Variants in TTR observed in about 807,000 individuals in gnomAD.
TTR encodes transthyretin.
TTR carries 8 observed loss-of-function variants against 13.7 expected under a neutral mutation model. The observed-to-expected ratio is 0.58, with a 90% CI of 0.34 to 1.05. TTR has a LOEUF of 1.05. Among genes scored for constraint, TTR ranks in the 50% least tolerant of loss-of-function variants. The pLI is 0.02. For synonymous variants in TTR, 75 were observed against 71.7 expected (o/e 1.05, Z -0.23); for missense variants, 135 against 185.5 (o/e 0.73, Z 1.58).
chr18:31,598,518 C>CA, intron 3 of TTR, 50 bp from the exon 4 acceptor site: 2 of 1,585,918 alleles, frequency 1.3e-6, no homozygotes, highest in Non-Finnish European at 1.7e-6. Context: ...TGTCATCTGT[C>CA]ACGTTTTTCG....
chr18:31,592,667 T>G (rs540317734), intron 1 of TTR, among the ~76,000 whole-genome samples: 1 of 152,308 alleles, frequency 6.6e-6, no homozygotes, highest in Non-Finnish European at 1.5e-5. Flanking sequence ...ATTATACACA[T>G]CCCTGGTTGA....
At chr18:31,592,507 G>C (rs2073491039) in intron 1 of TTR, among the ~76,000 whole-genome samples, 1 of 152,190 alleles carries the variant, frequency 6.6e-6, no homozygotes, top group Non-Finnish European at 1.5e-5. Context: ...ACTGGTAAGA[G>C]GGAGTGACTA....
chr18:31,598,570 G>T lies in TTR; in HGVS notation c.339G>T (p.Val113=). The change falls in exon 4 of 4, where the codon GTG becomes GTT. Residue 113 remains valine (V), a splice_region_variant and synonymous_variant. Transcript: ENST00000237014. ...GISPFHEHAE[V]VFTANDSGPR... Reference sequence around the variant, plus strand: ...GATCTGTCTGTCTTCTCTCATAGGTGGTATTCACAGCCAACGACTCCGGCC... The same window carrying T: ...GATCTGTCTGTCTTCTCTCATAGGTTGTATTCACAGCCAACGACTCCGGCC... 1 of 1,614,090 alleles carries T rather than the reference G, an allele frequency of 6.2e-7. No individual in the cohort carries two copies. Among genetic ancestry groups the T allele is most frequent in the Non-Finnish European group, 8.5e-7 (1 of 1,180,014 alleles).
chr18:31,593,236 G>A (rs930619917), intron 2 of TTR: 1 of 570,892 alleles, frequency 1.8e-6, no homozygotes, highest in African/African-American at 1.9e-5. Context: ...TTTAGGGGCA[G>A]ACAGTAGAGA....
chr18:31,598,527 C>T (rs754087718), intron 3 of TTR, 41 bp from the exon 4 acceptor site: 12 of 1,605,750 alleles, frequency 7.5e-6, no homozygotes, highest in South Asian at 3.3e-5. Context: ...TCACGTTTTT[C>T]GGGCTCTGGT....
chr18:31,592,001 C>T lies in TTR; in HGVS notation c.69+30C>T, dbSNP rs377167174. 1.8e-4 allele frequency: 294 copies of T among 1,611,816 alleles called. 1 individual carries two copies. The highest frequency in any genetic ancestry group is 2.4e-4 in the Non-Finnish European group (282 of 1,178,040). ...GTGTTTCTGTGACATCCCATTCCTA[C>T]ATTTAAGATTCACGCTAAATGAAGT... is the stretch of plus-strand genomic sequence containing the variant. On this transcript the variant is annotated intron_variant, in intron 1 of 3. Transcript: ENST00000237014.
intron 1 of TTR, among the ~76,000 whole-genome samples, chr18:31,592,242 A>T (rs1213554704): frequency 6.6e-6 from 1 of 152,202 alleles, no homozygotes; most frequent in Non-Finnish European, 1.5e-5. Context: ...AGATGATAGA[A>T]ATAAAGATAT....
intron 1 of TTR, 62 bp downstream of exon 1, chr18:31,592,033 G>C: frequency 1.3e-6 from 2 of 1,574,986 alleles, no homozygotes; most frequent in Non-Finnish European, 1.7e-6. Flanking sequence ...AAGTAGAAGT[G>C]ACTCCTTCCA....
intron 1 of TTR, 24 bp from the exon 2 acceptor site, chr18:31,592,872 C>G: frequency 1.9e-6 from 3 of 1,613,266 alleles, no homozygotes; most frequent in Non-Finnish European, 2.5e-6. Context: ...TTGTTAACTT[C>G]TCACGTGTCT....
At chr18:31,596,527 CTGT>C (rs965696166) in intron 3 of TTR, among the ~76,000 whole-genome samples, 31 of 152,276 alleles carry the variant, frequency 2.0e-4, no homozygotes, top group African/African-American at 6.7e-4. Flanking sequence ...CTACCTGAGA[CTGT>C]TGTTTGCCCA....
At position 31,592,960 on chromosome 18, in the gene TTR, C is replaced by G; in HGVS notation, c.134C>G (p.Ala45Gly). The change falls in exon 2 of 4, where the codon GCC (alanine) becomes GGC (glycine). Residue 45 changes from alanine (A) to glycine (G), a missense_variant. Transcript: ENST00000237014. ...KVLDAVRGSP[A>G]INVAVHVFRK... ...CTAGATGCTGTCCGAGGCAGTCCTGCCATCAATGTGGCCGTGCATGTGTTC... is the reference window on the plus strand; with the variant it reads ...CTAGATGCTGTCCGAGGCAGTCCTGGCATCAATGTGGCCGTGCATGTGTTC... 1 of 1,614,156 alleles carries G rather than the reference C, an allele frequency of 6.2e-7. No homozygotes were observed. The highest frequency in any genetic ancestry group is 1.6e-4 in the Middle Eastern group (1 of 6,062).
At chr18:31,595,009 C>CATAACATGTTT (rs1466268871) in intron 2 of TTR, 111 bp from the exon 3 acceptor site, 1 of 1,205,726 alleles carries the variant, frequency 8.3e-7, no homozygotes, top group Non-Finnish European at 1.2e-6. Flanking sequence ...GGGAAATGTT[C>CATAACATGTTT]ATAACATGTT....
At chr18:31,595,066 C>T in intron 2 of TTR, 54 bp from the exon 3 acceptor site, 1 of 1,606,162 alleles carries the variant, frequency 6.2e-7, no homozygotes, top group Non-Finnish European at 8.5e-7. Flanking sequence ...ATTACTTTGC[C>T]ATGCCATTTG....
intron 3 of TTR, 42 bp downstream of exon 3, chr18:31,595,297 T>C (rs2073511761): frequency 6.2e-7 from 1 of 1,613,884 alleles, no homozygotes; most frequent in Non-Finnish European, 8.5e-7. Context: ...GTTTTGGTTT[T>C]TGCTTTTGGC....
chr18:31,592,586 T>C (rs894357637), intron 1 of TTR, among the ~76,000 whole-genome samples: 1 of 152,226 alleles, frequency 6.6e-6, no homozygotes, highest in Non-Finnish European at 1.5e-5. Context: ...ATCTTTTCAG[T>C]AATTCCACTC....
chr18:31,596,697 G>A (rs1256462464), intron 3 of TTR, among the ~76,000 whole-genome samples: 2 of 151,382 alleles, frequency 1.3e-5, no homozygotes. Context: ...AGCATTCTAT[G>A]TGTGGAACAC....
At chr18:31,595,563 C>T in intron 3 of TTR, 1 of 466,402 alleles carries the variant, frequency 2.1e-6, no homozygotes, top group Admixed American at 2.6e-5. Flanking sequence ...ATGAGGCAGC[C>T]CTCCAGACCC....
At position 31,595,165 on chromosome 18, in the gene TTR, G is replaced by C. The variant is rs754635255; in HGVS notation, c.246G>C (p.Glu82Asp). 1.2e-6 allele frequency: 2 copies of C among 1,614,004 alleles called. No homozygotes were observed. Among genetic ancestry groups the C allele is most frequent in the East Asian group, 4.5e-5 (2 of 44,882 alleles). The change falls in exon 3 of 4, where the codon GAG (glutamate) becomes GAC (aspartate). Residue 82 changes from glutamate to aspartate, a missense_variant. Transcript: ENST00000237014. ...SGELHGLTTE[E>D]EFVEGIYKVE... ...AGCTGCATGGGCTCACAACTGAGGA[G>C]GAATTTGTAGAAGGGATATACAAAG...
intron 3 of TTR, chr18:31,595,978 T>C (rs561333432): frequency 6.2e-6 from 1 of 161,694 alleles, no homozygotes; most frequent in East Asian, 1.8e-4. Context: ...TCAGTTCTGC[T>C]ATGCCTCGCA....
Sources: gnomAD v4.1 joint callset for allele counts (sites outside exome capture counted in the v4.1 genomes callset) on GRCh38, gnomAD v4.1.1 for gene constraint, MANE v1.5 for transcripts, NCBI Gene and HGNC (gene_info 2026-07-23, HGNC 2026-07-21) for gene names.